FGGY: variants seen among roughly 807,000 people sequenced by gnomAD.
FGGY encodes FGGY carbohydrate kinase domain-containing protein.
A neutral mutation model predicts 71.3 loss-of-function variants in FGGY; 72 were observed. That is an observed-to-expected ratio of 1.01 (90% CI 0.84 to 1.23). The LOEUF is 1.23. FGGY is among the 50% of genes most tolerant of loss of function. The pLI is 0.00. For missense variants in FGGY, 668 were observed against 682.3 expected, an observed-to-expected ratio of 0.98 and a Z score of 0.23; for synonymous variants, 251 against 250.3, an observed-to-expected ratio of 1.00 and a Z score of -0.02.
At chr1:59,463,146 A>G (rs917153844) in intron 6 of FGGY, among the ~76,000 whole-genome samples, 2 of 152,186 alleles carry the variant, frequency 1.3e-5, no homozygotes, top group Non-Finnish European at 2.9e-5. Context: ...ATGGAATACT[A>G]TGCAGCCATA....
intron 11 of FGGY, among the ~76,000 whole-genome samples, chr1:59,647,686 C>A (rs962349189): frequency 6.6e-6 from 1 of 151,394 alleles, no homozygotes; most frequent in Non-Finnish European, 1.5e-5. Flanking sequence ...GCCAGTGATC[C>A]TTCTCAGCTT....
chr1:59,466,900 G>T (rs2092665628), intron 6 of FGGY, among the ~76,000 whole-genome samples: 2 of 152,188 alleles, frequency 1.3e-5, no homozygotes, highest in South Asian at 2.1e-4. Flanking sequence ...TTACATTGTT[G>T]GTGGTAGTGT....
intron 7 of FGGY, among the ~76,000 whole-genome samples, chr1:59,516,232 G>A (rs1267632905): frequency 6.6e-6 from 1 of 152,158 alleles, no homozygotes; most frequent in African/African-American, 2.4e-5. Context: ...AGGATGTGGA[G>A]GTGAACAGAT....
chr1:59,617,200 T>C (rs2096764361), intron 9 of FGGY, among the ~76,000 whole-genome samples: 1 of 149,910 alleles, frequency 6.7e-6, no homozygotes, highest in African/African-American at 2.5e-5. Context: ...ATACACCACC[T>C]AAAGCATAAG....
chr1:59,538,901 G>A (rs539128841), intron 7 of FGGY, among the ~76,000 whole-genome samples: 1 of 151,224 alleles, frequency 6.6e-6, no homozygotes, highest in Admixed American at 6.6e-5. Context: ...TGCTAGATGA[G>A]GAGTTAGTAC....
intron 11 of FGGY, among the ~76,000 whole-genome samples, chr1:59,647,726 C>T (rs1416982796): frequency 2.6e-5 from 4 of 151,222 alleles, no homozygotes; most frequent in Non-Finnish European, 4.4e-5. Flanking sequence ...CTGGGCCCAC[C>T]ACCCCTGCCA....
chr1:59,429,327 CAG>C (rs781239942), intron 5 of FGGY, among the ~76,000 whole-genome samples: 19 of 151,614 alleles, frequency 1.3e-4, no homozygotes, highest in African/African-American at 4.1e-4. Context: ...TATGTGGAAA[CAG>C]AGATCTTCGG....
At chr1:59,587,190 T>G (rs1387558071) in intron 8 of FGGY, among the ~76,000 whole-genome samples, 1 of 152,184 alleles carries the variant, frequency 6.6e-6, no homozygotes, top group Non-Finnish European at 1.5e-5. Flanking sequence ...TCTCACTGAT[T>G]GCTAGCACAG....
intron 5 of FGGY, among the ~76,000 whole-genome samples, chr1:59,404,231 G>A (rs1008663307): frequency 6.6e-6 from 1 of 151,970 alleles, no homozygotes; most frequent in Non-Finnish European, 1.5e-5. Context: ...AGGAGGGAGA[G>A]CATCAGGATA....
chr1:59,667,247 A>G, intron 12 of FGGY, 36 bp from the exon 13 acceptor site: 2 of 1,613,226 alleles, frequency 1.2e-6, no homozygotes, highest in Non-Finnish European at 1.7e-6. Flanking sequence ...TACTTTTGTG[A>G]CTATACTGAT....
At chr1:59,485,325 A>G (rs374909129) in intron 6 of FGGY, among the ~76,000 whole-genome samples, 30 of 152,224 alleles carry the variant, frequency 2.0e-4, no homozygotes, top group African/African-American at 6.8e-4. Flanking sequence ...GTTTTGGCCA[A>G]TGAGGTATAA....
At chr1:59,563,175 G>A (rs943562946) in intron 8 of FGGY, among the ~76,000 whole-genome samples, 16 of 152,214 alleles carry the variant, frequency 1.1e-4, no homozygotes, top group East Asian at 1.9e-4. Context: ...GTCTTGTGCC[G>A]GTTTTCAAAG....
At chr1:59,667,501 G>T in intron 13 of FGGY, 98 bp downstream of exon 13, 1 of 1,379,468 alleles carries the variant, frequency 7.2e-7, no homozygotes, top group Non-Finnish European at 1.0e-6. Flanking sequence ...GATATATGCG[G>T]TATGCCAGAT....
At chr1:59,453,007 G>T (rs1427664643) in intron 5 of FGGY, among the ~76,000 whole-genome samples, 2 of 152,208 alleles carry the variant, frequency 1.3e-5, no homozygotes, top group Non-Finnish European at 1.5e-5. Flanking sequence ...TCCCGGAGGG[G>T]TAAGCCCTTT....
chr1:59,460,397 G>A (rs372504784), intron 6 of FGGY, among the ~76,000 whole-genome samples: 44 of 152,304 alleles, frequency 2.9e-4, no homozygotes, highest in African/African-American at 7.5e-4. Context: ...AGAGCAGCTC[G>A]GAAGCTCGAA....
chr1:59,671,389 G>T (rs375999376), intron 13 of FGGY, among the ~76,000 whole-genome samples: 1 of 152,316 alleles, frequency 6.6e-6, no homozygotes, highest in East Asian at 1.9e-4. Context: ...GCTCACAAGG[G>T]TGAGGGTAGG....
chr1:59,442,114 T>A (rs1052877876), intron 5 of FGGY, among the ~76,000 whole-genome samples: 1 of 152,186 alleles, frequency 6.6e-6, no homozygotes, highest in African/African-American at 2.4e-5. Flanking sequence ...AGAGGCAGTT[T>A]GTATAGTTGT....
intron 6 of FGGY, among the ~76,000 whole-genome samples, chr1:59,483,027 AC>A (rs946758909): frequency 5.9e-5 from 9 of 152,124 alleles, no homozygotes; most frequent in African/African-American, 2.2e-4. Context: ...GCGATTAAGA[AC>A]TGGTGTTTCC....
chr1:59,556,793 G>T (rs1276849051), intron 8 of FGGY, among the ~76,000 whole-genome samples: 1 of 152,190 alleles, frequency 6.6e-6, no homozygotes, highest in East Asian at 1.9e-4. Flanking sequence ...GGTGGAGATT[G>T]TTATTAAACT....
Sources: gnomAD v4.1 joint callset for allele counts (sites outside exome capture counted in the v4.1 genomes callset) on GRCh38, gnomAD v4.1.1 for gene constraint, MANE v1.5 for transcripts, NCBI Gene and HGNC (gene_info 2026-07-23, HGNC 2026-07-21) for gene names.